Variants in ZFHX4 observed in about 807,000 individuals in gnomAD.
ZFHX4 encodes zinc finger homeobox 4, also known as zinc finger homeobox protein 4.
A neutral mutation model predicts 267.6 loss-of-function variants in ZFHX4; 56 were observed. That is an observed-to-expected ratio of 0.21 (90% CI 0.17 to 0.26). The LOEUF (loss-of-function observed/expected upper bound fraction) is 0.26. Ranked by LOEUF, ZFHX4 falls within the 10% of genes least tolerant of loss-of-function variation. The pLI, the probability that ZFHX4 is intolerant of heterozygous loss-of-function variation, is 1.00. For missense variants in ZFHX4, 4,332 were observed against 4,420.0 expected (o/e 0.98, Z 0.56); for synonymous variants, 1,778 against 1,665.6 (o/e 1.07, Z -1.64).
chr8:76,690,391 CA>C (rs1429028749), intron 1 of ZFHX4, among the ~76,000 whole-genome samples: 6 of 151,890 alleles, frequency 4.0e-5, no homozygotes, highest in African/African-American at 1.2e-4. Context: ...TTGTTAAAAA[CA>C]AAATGAAACA....
intron 3 of ZFHX4, among the ~76,000 whole-genome samples, chr8:76,725,539 G>A (rs1264062478): frequency 2.6e-5 from 4 of 152,070 alleles, no homozygotes; most frequent in Non-Finnish European, 5.9e-5. Flanking sequence ...TAATGAAACA[G>A]CTGAGTGATT....
chr8:76,781,365 A>G (rs558258217), intron 4 of ZFHX4, among the ~76,000 whole-genome samples: 26 of 152,214 alleles, frequency 1.7e-4, no homozygotes, highest in African/African-American at 6.0e-4. Flanking sequence ...TTAAGAATAG[A>G]AAGTTCCCTT....
At chr8:76,758,121 A>G (rs1015176531) in intron 3 of ZFHX4, among the ~76,000 whole-genome samples, 1 of 152,146 alleles carries the variant, frequency 6.6e-6, no homozygotes, top group Non-Finnish European at 1.5e-5. Context: ...CTCTTCATTC[A>G]TGGGGCTCTG....
At chr8:76,752,487 CA>C (rs144149879) in intron 3 of ZFHX4, among the ~76,000 whole-genome samples, 23,547 of 71,262 alleles carry the variant, frequency 0.33, 4,807 homozygotes, top group African/African-American at 0.57. Context: ...ACCAAAAATC[CA>C]AAAAAAAAAA....
chr8:76,730,555 C>T (rs571846910), intron 3 of ZFHX4, among the ~76,000 whole-genome samples: 77 of 151,960 alleles, frequency 5.1e-4, no homozygotes, highest in African/African-American at 1.8e-3. Context: ...ATAAATTAGC[C>T]GGGCATGGTG....
At chr8:76,757,851 C>T (rs1005124719) in intron 3 of ZFHX4, among the ~76,000 whole-genome samples, 2 of 152,100 alleles carry the variant, frequency 1.3e-5, no homozygotes, top group African/African-American at 2.4e-5. Context: ...AGTCTTAGTG[C>T]GTAGCAAGAG....
At chr8:76,850,511 A>G in intron 9 of ZFHX4, 149 bp downstream of exon 9, 1 of 751,132 alleles carries the variant, frequency 1.3e-6, no homozygotes. Context: ...TTTCCAAGGC[A>G]TATTTTGTGT....
Position 76,791,354 on chromosome 8 carries a change from CA to C in ZFHX4, c.3325+12916del. ...GAACGTTAGCTGTTTCAAAGAAAAC[CA>C]TTAATCTGATGTATTGAAGTTCAGT... On this transcript the variant is annotated intron_variant, in intron 4 of 10. Transcript: ENST00000651372. Among the ~76,000 whole-genome samples, 3 of 152,136 alleles carry C rather than the reference CA, an allele frequency of 2.0e-5. No homozygotes were observed. The South Asian group carries it at 6.2e-4, about 32-fold the overall frequency.
At chr8:76,727,676 T>A (rs917894450) in intron 3 of ZFHX4, among the ~76,000 whole-genome samples, 5 of 152,200 alleles carry the variant, frequency 3.3e-5, no homozygotes, top group African/African-American at 1.2e-4. Context: ...TTCAGTTTTT[T>A]AAAAATCTTG....
intron 4 of ZFHX4, among the ~76,000 whole-genome samples, chr8:76,831,900 A>G (rs935596651): frequency 6.6e-6 from 1 of 151,944 alleles, no homozygotes; most frequent in Admixed American, 6.6e-5. Flanking sequence ...TAGGATGTCA[A>G]TTAAGGCTGT....
At chr8:76,861,030 G>C (rs1298549228) in intron 10 of ZFHX4, among the ~76,000 whole-genome samples, 1 of 152,042 alleles carries the variant, frequency 6.6e-6, no homozygotes, top group Admixed American at 6.6e-5. Flanking sequence ...CCTAGGGCTA[G>C]GTCTAAGTCC....
chr8:76,800,574 G>C (rs1024038125), intron 4 of ZFHX4, among the ~76,000 whole-genome samples: 1 of 152,058 alleles, frequency 6.6e-6, no homozygotes, highest in Admixed American at 6.6e-5. Context: ...ATTCACTTTG[G>C]GTATTCTTGT....
At chr8:76,829,320 TTGA>T (rs1472119472) in intron 4 of ZFHX4, among the ~76,000 whole-genome samples, 3 of 151,768 alleles carry the variant, frequency 2.0e-5, no homozygotes, top group Non-Finnish European at 4.4e-5. Context: ...AGATGGGAAC[TTGA>T]TGATTTTTGA....
Position 76,707,765 on chromosome 8 carries a change from C to T in ZFHX4, c.2810C>T (p.Ala937Val). The T allele has an allele frequency of 6.2e-7, 1 of 1,613,902 alleles. No individual in the cohort carries two copies. Among genetic ancestry groups the T allele is most frequent in the South Asian group, 1.1e-5 (1 of 91,064 alleles). Residue 937 changes from alanine (A) to valine (V), a missense_variant, in exon 3 of 11, where the codon GCA becomes GTA. Physicochemically the swap from Ala to Val is moderately conservative, Grantham distance 64. Transcript: ENST00000651372. ...ERSLPEEEWR[A>V]VIGDIYQCKL... The stretch of plus-strand genomic sequence containing the variant: ...TCTCTCCCTGAAGAGGAATGGAGGG[C>T]AGTAATTGGAGATATCTACCAGTGC...
chr8:76,694,847 G>A (rs1466368917), intron 1 of ZFHX4, among the ~76,000 whole-genome samples: 1 of 151,264 alleles, frequency 6.6e-6, no homozygotes, highest in Non-Finnish European at 1.5e-5. Flanking sequence ...ACCCAGAAGA[G>A]CCATATTAGG....
chr8:76,778,096 C>T lies in ZFHX4; in HGVS notation c.3094-112C>T, dbSNP rs906933502. Reference sequence around the variant, plus strand: ...TGGGCTGCGTCTTATAAGAAAAATGCATTTGAGCATCTGTGTAACCAATGT... The same window carrying T: ...TGGGCTGCGTCTTATAAGAAAAATGTATTTGAGCATCTGTGTAACCAATGT... On this transcript the variant is annotated intron_variant, in intron 3 of 10. Coordinates refer to ENST00000651372, the MANE Select transcript of ZFHX4 (RefSeq NM_024721.5). 8.4e-6 allele frequency: 6 copies of T among 710,740 alleles called. No homozygotes were observed. The Admixed American group carries it at 1.3e-4, about 15-fold the overall frequency. 44.0% of individuals were successfully genotyped at this position (710,740 alleles called of 1,614,324 possible).
At chr8:76,685,916 T>C (rs1300843931) in intron 1 of ZFHX4, among the ~76,000 whole-genome samples, 1 of 152,244 alleles carries the variant, frequency 6.6e-6, no homozygotes, top group African/African-American at 2.4e-5. Flanking sequence ...ACATTTTGTT[T>C]CTAGCACTTA....
chr8:76,771,759 G>T (rs1403865522), intron 3 of ZFHX4, among the ~76,000 whole-genome samples: 2 of 152,172 alleles, frequency 1.3e-5, no homozygotes, highest in African/African-American at 4.8e-5. Context: ...TGTCCGAATT[G>T]ATTAGAATGA....
chr8:76,701,764 G>A (rs1264911151), intron 1 of ZFHX4, among the ~76,000 whole-genome samples: 1 of 152,118 alleles, frequency 6.6e-6, no homozygotes, highest in East Asian at 1.9e-4. Context: ...GCTGTAAAAT[G>A]TTGAGGAGCT....
Sources: allele counts gnomAD v4.1 joint callset (sites outside exome capture counted in the v4.1 genomes callset), GRCh38; gene constraint gnomAD v4.1.1; transcripts MANE v1.5; gene names NCBI Gene and HGNC (gene_info 2026-07-23, HGNC 2026-07-21).